The following FOXP1 variants were observed in gnomAD, a reference collection of about 807,000 sequenced individuals.
FOXP1 encodes forkhead box P1.
A neutral mutation model predicts 98.2 loss-of-function variants in FOXP1; 15 were observed. That is an observed-to-expected ratio of 0.15 (90% confidence interval 0.10 to 0.24). The LOEUF is 0.24. Ranked by LOEUF, FOXP1 falls within the 10% of genes least tolerant of loss-of-function variation. FOXP1 has a pLI of 1.00. For synonymous variants in FOXP1, 371 were observed against 314.5 expected (o/e 1.18, Z -1.90); for missense variants, 633 against 848.5 (o/e 0.75, Z 3.15).
chr3:71,065,794 A>T (rs2052410220), intron 7 of FOXP1: 1 of 152,216 alleles, frequency 6.6e-6, no homozygotes, highest in Non-Finnish European at 1.5e-5. Context: ...CTCTATTAGA[A>T]ATAGTCACTG....
Position 71,581,612 on chromosome 3 carries a change from AC to A in FOXP1, c.-362del. The A allele has an allele frequency of 1.0e-6, 1 of 985,644 alleles. No homozygotes were observed. The highest frequency in any genetic ancestry group is 1.2e-6 in the Non-Finnish European group (1 of 830,020). The allele number at this position is 985,644 out of a possible 1,614,324, so 61.1% of individuals were successfully genotyped here. ...CGCCCGCGGAGGAGGCGCCGGCAGCACCATGGTCCCCGGCGCCGCTGCCGCT... is the reference window on the plus strand; with the variant it reads ...CGCCCGCGGAGGAGGCGCCGGCAGCACATGGTCCCCGGCGCCGCTGCCGCT... On this transcript the variant is annotated 5_prime_UTR_variant, in exon 2 of 21. It removes the in-frame stop codon of an upstream open reading frame in the 5' UTR. Transcript: ENST00000649528.
At chr3:71,007,741 A>T (rs1451466029) in intron 12 of FOXP1, among the ~76,000 whole-genome samples, 1 of 152,228 alleles carries the variant, frequency 6.6e-6, no homozygotes, top group Non-Finnish European at 1.5e-5. Flanking sequence ...CACACTTAGT[A>T]GTTTCTTTCA....
At chr3:70,959,674 C>T (rs897537385) in intron 20 of FOXP1, among the ~76,000 whole-genome samples, 2 of 152,222 alleles carry the variant, frequency 1.3e-5, no homozygotes, top group African/African-American at 2.4e-5. Context: ...ATTTGCATCA[C>T]TGCGTAAAGT....
intron 5 of FOXP1, among the ~76,000 whole-genome samples, chr3:71,281,786 C>CT (rs200135365): frequency 0.023 from 3,483 of 152,214 alleles, 70 homozygotes; most frequent in Admixed American, 0.036. Flanking sequence ...ATGGCTTGGC[C>CT]TTTTACATTA....
intron 2 of FOXP1, among the ~76,000 whole-genome samples, chr3:71,538,238 C>T (rs923558816): frequency 6.6e-6 from 1 of 152,168 alleles, no homozygotes; most frequent in African/African-American, 2.4e-5. Flanking sequence ...TTAGTATATT[C>T]AACGGTTGTG....
At chr3:70,997,235 C>A (rs997637979) in intron 13 of FOXP1, among the ~76,000 whole-genome samples, 1 of 152,184 alleles carries the variant, frequency 6.6e-6, no homozygotes, top group African/African-American at 2.4e-5. Flanking sequence ...AGTGTTCCTG[C>A]TGCTGGAGGG....
intron 12 of FOXP1, among the ~76,000 whole-genome samples, chr3:71,014,885 G>A (rs577547884): frequency 4.6e-5 from 7 of 151,956 alleles, no homozygotes; most frequent in East Asian, 1.9e-4. Context: ...GCAAACTATC[G>A]CAAGGACAGA....
chr3:71,186,082 C>A (rs889706634), intron 6 of FOXP1, among the ~76,000 whole-genome samples: 6 of 152,190 alleles, frequency 3.9e-5, no homozygotes, highest in Non-Finnish European at 5.9e-5. Flanking sequence ...ATTATGAAAT[C>A]TTTGAATGCA....
chr3:71,566,853 G>A (rs2046951370), intron 2 of FOXP1, among the ~76,000 whole-genome samples: 1 of 152,084 alleles, frequency 6.6e-6, no homozygotes, highest in Admixed American at 6.5e-5. Context: ...GTGTCTCCTT[G>A]AGCCTGGGCC....
intron 2 of FOXP1, among the ~76,000 whole-genome samples, chr3:71,564,227 C>G (rs1432982731): frequency 1.3e-5 from 2 of 152,136 alleles, no homozygotes; most frequent in Non-Finnish European, 2.9e-5. Flanking sequence ...ACAAGGTAGG[C>G]TTCCTTCAGT....
intron 10 of FOXP1, 147 bp downstream of exon 10, chr3:71,046,795 T>G: frequency 1.0e-6 from 1 of 980,242 alleles, no homozygotes; most frequent in Non-Finnish European, 1.6e-6. Context: ...TCTACATGGG[T>G]CCATCATTAT....
chr3:71,134,250 C>T (rs1022594811), intron 6 of FOXP1, among the ~76,000 whole-genome samples: 1 of 152,224 alleles, frequency 6.6e-6, no homozygotes, highest in African/African-American at 2.4e-5. Flanking sequence ...GGTGGCTATT[C>T]TCCTTGATAT....
intron 6 of FOXP1, among the ~76,000 whole-genome samples, chr3:71,148,218 A>T (rs1327800783): frequency 6.6e-6 from 1 of 152,184 alleles, no homozygotes; most frequent in Non-Finnish European, 1.5e-5. Context: ...CTCTATTAAA[A>T]GTACAAAAAT....
chr3:70,985,685 G>A (rs2039616575), intron 14 of FOXP1, among the ~76,000 whole-genome samples: 1 of 151,688 alleles, frequency 6.6e-6, no homozygotes, highest in African/African-American at 2.4e-5. Flanking sequence ...ACACAAATGT[G>A]ATCTTTTTTT....
At chr3:71,413,239 A>T (rs1309309177) in intron 3 of FOXP1, among the ~76,000 whole-genome samples, 1 of 82,754 alleles carries the variant, frequency 1.2e-5, no homozygotes, top group Admixed American at 1.4e-4. Context: ...CCAAATAGAC[A>T]CACACACATC....
chr3:71,582,028 A>C (rs2048215676), intron 1 of FOXP1: 1 of 977,232 alleles, frequency 1.0e-6, no homozygotes, highest in Non-Finnish European at 1.2e-6. Context: ...TTGGAGTTAC[A>C]ACTGTTTATT....
At chr3:71,142,956 G>A (rs1362644393) in intron 6 of FOXP1, among the ~76,000 whole-genome samples, 2 of 151,788 alleles carry the variant, frequency 1.3e-5, no homozygotes, top group African/African-American at 4.9e-5. Flanking sequence ...AAGGGGGCAG[G>A]AAAGAAAGGG....
At chr3:71,280,996 C>A (rs2071477843) in intron 5 of FOXP1, among the ~76,000 whole-genome samples, 1 of 128,792 alleles carries the variant, frequency 7.8e-6, no homozygotes, top group Admixed American at 9.1e-5. Flanking sequence ...TTAAAAAGGA[C>A]AGATCCTACC....
At chr3:71,104,370 T>C (rs2057250246) in intron 7 of FOXP1, among the ~76,000 whole-genome samples, 2 of 152,192 alleles carry the variant, frequency 1.3e-5, no homozygotes, top group Admixed American at 1.3e-4. Context: ...CATTGTGGGA[T>C]CACAGCCTAT....
Sources: allele counts gnomAD v4.1 joint callset (sites outside exome capture counted in the v4.1 genomes callset), GRCh38; gene constraint gnomAD v4.1.1; transcripts MANE v1.5; gene names NCBI Gene and HGNC (gene_info 2026-07-23, HGNC 2026-07-21).